Variants in RNF130 observed in about 807,000 individuals in gnomAD.
RNF130 encodes E3 ubiquitin-protein ligase RNF130.
RNF130 carries 21 observed loss-of-function variants against 44.6 expected under a neutral mutation model. The observed-to-expected ratio is 0.47, with a 90% CI of 0.33 to 0.68. RNF130 has a LOEUF of 0.68. RNF130 is among the 30% of genes least tolerant of loss of function. The pLI, the probability that RNF130 is intolerant of heterozygous loss-of-function variation, is 0.02. For missense variants in RNF130, 479 were observed against 560.6 expected (o/e 0.85, Z 1.47); for synonymous variants, 214 against 210.4 (o/e 1.02, Z -0.15).
intron 2 of RNF130, among the ~76,000 whole-genome samples, chr5:180,014,962 G>T (rs1763684029): frequency 6.6e-6 from 1 of 152,004 alleles, no homozygotes; most frequent in Non-Finnish European, 1.5e-5. Context: ...CGCCAGCCTG[G>T]GTGACAGAGC....
At chr5:179,952,835 T>C (rs1029565593), downstream of RNF130, among the ~76,000 whole-genome samples, 1 of 151,878 alleles carries the variant, frequency 6.6e-6, no homozygotes, top group Non-Finnish European at 1.5e-5. Flanking sequence ...AGAAGGTAAC[T>C]TTCTCAACTT....
intron 3 of RNF130, among the ~76,000 whole-genome samples, chr5:179,990,282 CA>C (rs1763051130): frequency 6.6e-6 from 1 of 152,202 alleles, no homozygotes; most frequent in Admixed American, 6.5e-5. Flanking sequence ...GTCCACTGGA[CA>C]GGGGGCCCTT....
At chr5:179,961,519 T>C (rs527430177) in intron 8 of RNF130, among the ~76,000 whole-genome samples, 4 of 152,318 alleles carry the variant, frequency 2.6e-5, no homozygotes, top group African/African-American at 9.6e-5. Context: ...AGCACTCTCA[T>C]TTTAATCTGA....
intron 4 of RNF130, among the ~76,000 whole-genome samples, chr5:179,979,621 C>T (rs1276637749): frequency 2.0e-5 from 3 of 152,184 alleles, no homozygotes; most frequent in East Asian, 1.9e-4. Flanking sequence ...AGCTCTGAGG[C>T]GGGATGTCAG....
intron 1 of RNF130, among the ~76,000 whole-genome samples, chr5:180,067,158 G>A (rs924489050): frequency 6.6e-6 from 1 of 152,200 alleles, no homozygotes; most frequent in Non-Finnish European, 1.5e-5. Flanking sequence ...GGTGGGGTGA[G>A]GTCAGTGAGA....
At chr5:180,002,918 G>GGTT (rs1206784190) in intron 3 of RNF130, among the ~76,000 whole-genome samples, 2 of 151,852 alleles carry the variant, frequency 1.3e-5, no homozygotes, top group African/African-American at 2.4e-5. Flanking sequence ...CTCAGATCTG[G>GGTT]GTTGTTATTA....
chr5:179,956,978 G>A (rs1318347811), intron 8 of RNF130, among the ~76,000 whole-genome samples: 1 of 152,172 alleles, frequency 6.6e-6, no homozygotes, highest in East Asian at 1.9e-4. Context: ...TTCACATAAA[G>A]TTCTGTACCT....
chr5:180,009,972 G>A (rs1351108365), intron 3 of RNF130, among the ~76,000 whole-genome samples: 1 of 152,146 alleles, frequency 6.6e-6, no homozygotes, highest in Non-Finnish European at 1.5e-5. Flanking sequence ...TCTTGGCCGG[G>A]CGCAGTGGCT....
chr5:179,978,379 T>C lies in RNF130; in HGVS notation c.766-94A>G, dbSNP rs374513877. 4.2e-4 allele frequency: 351 copies of C among 841,470 alleles called. No individual in the cohort carries two copies. The East Asian group carries it at 8.4e-3, about 20-fold the overall frequency. 52.1% of individuals were successfully genotyped at this position (841,470 alleles called of 1,614,324 possible). On this transcript the variant is annotated intron_variant, in intron 4 of 8. Transcript: ENST00000521389. ...GCTCAGAATCTTTCTGTGGCTACTA[T>C]GGTAAGCAAGTGTTATAAACTGAAA...
chr5:180,040,146 G>C (rs911638259), intron 2 of RNF130, among the ~76,000 whole-genome samples: 2 of 152,164 alleles, frequency 1.3e-5, no homozygotes, highest in Non-Finnish European at 2.9e-5. Context: ...TAACCTGGGC[G>C]AATGATTCCA....
At chr5:180,064,922 C>T (rs1333948212) in intron 1 of RNF130, among the ~76,000 whole-genome samples, 1 of 950 alleles carries the variant, frequency 1.1e-3, no homozygotes, top group Non-Finnish European at 0.029. Context: ...TAGGATTCCA[C>T]TTACTTCTCT....
intron 3 of RNF130, among the ~76,000 whole-genome samples, chr5:179,992,027 G>A (rs1480124904): frequency 1.3e-5 from 2 of 152,150 alleles, no homozygotes; most frequent in Admixed American, 1.3e-4. Context: ...CTAGCAATGG[G>A]GAGCGACTGT....
intron 7 of RNF130, chr5:179,920,538 T>C (rs1025287441): frequency 3.2e-6 from 2 of 627,104 alleles, no homozygotes; most frequent in Non-Finnish European, 5.8e-6. Flanking sequence ...TTCTTAACTA[T>C]CCTTCATAAG....
At chr5:179,922,273 C>T (rs934327756) in intron 7 of RNF130, among the ~76,000 whole-genome samples, 2 of 152,054 alleles carry the variant, frequency 1.3e-5, no homozygotes, top group African/African-American at 4.8e-5. Context: ...TTGTTCAAAT[C>T]TTTAGTCCAT....
At chr5:180,024,093 A>G (rs896210829) in intron 2 of RNF130, among the ~76,000 whole-genome samples, 16 of 152,250 alleles carry the variant, frequency 1.1e-4, no homozygotes, top group Non-Finnish European at 1.8e-4. Context: ...TCCCAGTTGA[A>G]GGACATTCTA....
At chr5:180,012,672 T>C (rs1314491199) in intron 3 of RNF130, among the ~76,000 whole-genome samples, 1 of 152,180 alleles carries the variant, frequency 6.6e-6, no homozygotes, top group African/African-American at 2.4e-5. Context: ...AAAATTCACA[T>C]GGGAAAGAAT....
At chr5:179,986,740 G>A (rs751374339) in intron 3 of RNF130, among the ~76,000 whole-genome samples, 4 of 152,084 alleles carry the variant, frequency 2.6e-5, no homozygotes, top group African/African-American at 7.2e-5. Flanking sequence ...TTTTTACAAT[G>A]GATTTTTGTA....
At chr5:180,033,141 TTTTTTTA>T (rs1316042422) in intron 2 of RNF130, among the ~76,000 whole-genome samples, 3 of 151,746 alleles carry the variant, frequency 2.0e-5, no homozygotes, top group Non-Finnish European at 4.4e-5. Flanking sequence ...ACCCGGCTAC[TTTTTTTA>T]TTTTTTATTT....
At chr5:180,032,197 T>C (rs1764145412) in intron 2 of RNF130, among the ~76,000 whole-genome samples, 1 of 152,246 alleles carries the variant, frequency 6.6e-6, no homozygotes, top group African/African-American at 2.4e-5. Flanking sequence ...CAAAGGTTTT[T>C]AATTTTGATA....
Sources: allele counts gnomAD v4.1 joint callset (sites outside exome capture counted in the v4.1 genomes callset), GRCh38; gene constraint gnomAD v4.1.1; transcripts MANE v1.5; gene names NCBI Gene and HGNC (gene_info 2026-07-23, HGNC 2026-07-21).